Variants in KPNA6 observed in about 807,000 individuals in gnomAD.
KPNA6 encodes karyopherin subunit alpha 6, also known as importin subunit alpha-7.
Under a neutral mutation model 72.0 loss-of-function variants are expected in KPNA6, and 9 were observed. That is an observed-to-expected ratio of 0.13 (90% CI 0.08 to 0.22). The LOEUF (loss-of-function observed/expected upper bound fraction) is 0.22, where lower values mean the gene tolerates loss of function less well. Among genes scored for constraint, KPNA6 ranks in the 10% least tolerant of loss-of-function variants. The pLI is 1.00. For synonymous variants in KPNA6, 219 were observed against 242.1 expected (o/e 0.90, Z 0.89); for missense variants, 374 against 655.7 (o/e 0.57, Z 4.69).
At chr1:32,152,181 G>C (rs1481937962) in intron 1 of KPNA6, among the ~76,000 whole-genome samples, 1 of 151,994 alleles carries the variant, frequency 6.6e-6, no homozygotes, top group African/African-American at 2.4e-5. Flanking sequence ...AAAACGTAAA[G>C]ATTAGCCACT....
chr1:32,166,007 A>C lies in KPNA6; in HGVS notation c.991-98A>C. 5 of 1,279,490 alleles carry C rather than the reference A, an allele frequency of 3.9e-6. No individual in the cohort carries two copies. The African/African-American group carries it at 6.1e-5, about 16-fold the overall frequency. The allele number at this position is 1,279,490 out of a possible 1,614,324, so 79.3% of individuals were successfully genotyped here. A position where few individuals can be genotyped will look rare whatever the true frequency, so the allele number is the denominator to read the frequency against. On this transcript the variant is annotated intron_variant, in intron 10 of 13. Transcript: ENST00000373625. ...AGCGAGACTCTGTCTCAAAAAAAAA[A>C]ACAAAAACAACAACAACAACAACAA...
At chr1:32,160,342 T>C (rs1403933375) in intron 6 of KPNA6, among the ~76,000 whole-genome samples, 1 of 151,636 alleles carries the variant, frequency 6.6e-6, no homozygotes, top group Non-Finnish European at 1.5e-5. Flanking sequence ...GATTACTTTC[T>C]CCTTTTCTGG....
chr1:32,169,535 C>T (rs1359132440), intron 12 of KPNA6, among the ~76,000 whole-genome samples: 1 of 151,286 alleles, frequency 6.6e-6, no homozygotes, highest in African/African-American at 2.4e-5. Context: ...CAAGCTCTGC[C>T]TCCTAGGTTC....
chr1:32,147,931 G>A (rs1641959691), intron 1 of KPNA6, among the ~76,000 whole-genome samples: 2 of 152,038 alleles, frequency 1.3e-5, no homozygotes, highest in South Asian at 4.1e-4. Flanking sequence ...CTCCCAGAGT[G>A]CTAGGATTAC....
chr1:32,125,588 A>G (rs1404254806), intron 1 of KPNA6, among the ~76,000 whole-genome samples: 11 of 152,172 alleles, frequency 7.2e-5, no homozygotes, highest in Admixed American at 6.6e-4. Flanking sequence ...TGCTCATGTA[A>G]TAGTAAGATT....
rs1642244888 is a variant in KPNA6, at chr1:32,161,935, T to C, written c.648-12T>C. On this transcript the variant is annotated splice_polypyrimidine_tract_variant and intron_variant, in intron 7 of 13. Transcript: ENST00000373625. Reference sequence around the variant, plus strand: ...CTCAGTGCTCAGGATCTGGCTTTGCTGTTTCCTTCAGACTCCTTACCAAGT... The same window carrying C: ...CTCAGTGCTCAGGATCTGGCTTTGCCGTTTCCTTCAGACTCCTTACCAAGT... 1 of 1,609,664 alleles carries C rather than the reference T, an allele frequency of 6.2e-7. No individual in the cohort carries two copies.
chr1:32,127,027 A>G (rs1468563255), intron 1 of KPNA6, among the ~76,000 whole-genome samples: 1 of 152,212 alleles, frequency 6.6e-6, no homozygotes, highest in Non-Finnish European at 1.5e-5. Context: ...CCATTGATTC[A>G]GCATTTAGGC....
intron 1 of KPNA6, among the ~76,000 whole-genome samples, chr1:32,147,604 C>T (rs1424912703): frequency 2.0e-5 from 3 of 147,572 alleles, no homozygotes; most frequent in Admixed American, 1.4e-4. Context: ...AGCCTCTTTT[C>T]GGCACTTTCT....
At position 32,121,436 on chromosome 1, in the gene KPNA6, A is replaced by G. The variant is rs79821203; in HGVS notation, c.4+13302A>G. 3.7e-3 allele frequency among the ~76,000 whole-genome samples: 560 copies of G among 152,332 alleles called. 3 individuals carry two copies. Among genetic ancestry groups the G allele is most frequent in the Non-Finnish European group, 6.0e-3 (411 of 68,028 alleles). On this transcript the variant is annotated intron_variant, in intron 1 of 13. Coordinates refer to ENST00000373625, the MANE Select transcript of KPNA6 (RefSeq NM_012316.5). The stretch of plus-strand genomic sequence containing the variant: ...TGACCTCCAGGGAAGTTGTTCAAAA[A>G]TCAGTTGAATGTAGAAGTCTGGAGC...
At chr1:32,112,508 T>G (rs975143335) in intron 1 of KPNA6, among the ~76,000 whole-genome samples, 3 of 152,178 alleles carry the variant, frequency 2.0e-5, no homozygotes, top group African/African-American at 7.2e-5. Flanking sequence ...TTTATTTATT[T>G]GAGACAGGCT....
chr1:32,169,094 C>T (rs774792577), intron 12 of KPNA6, among the ~76,000 whole-genome samples: 114 of 151,586 alleles, frequency 7.5e-4, no homozygotes, highest in Admixed American at 2.8e-3. Context: ...TCAGTAAGAG[C>T]AGTGGCTCAC....
chr1:32,165,887 TCTTGGGAGGCTGAGGCTGGAGAATCA>T (rs1642325308), intron 10 of KPNA6, among the ~76,000 whole-genome samples, 192 bp from the exon 11 acceptor site: 3 of 150,220 alleles, frequency 2.0e-5, no homozygotes, highest in South Asian at 2.1e-4. Flanking sequence ...AATCCAAGCG[TCTTGGGAGGCTGAGGCTGGAGAATCA>T]CTTGAACCTG....
At chr1:32,147,975 T>C (rs565871493) in intron 1 of KPNA6, among the ~76,000 whole-genome samples, 10 of 152,306 alleles carry the variant, frequency 6.6e-5, no homozygotes, top group African/African-American at 2.4e-4. Context: ...CTGACTTTCA[T>C]AATTTCGAAT....
At chr1:32,133,516 C>CAAAAA (rs56850687) in intron 1 of KPNA6, among the ~76,000 whole-genome samples, 6 of 43,830 alleles carry the variant, frequency 1.4e-4, no homozygotes, top group Admixed American at 2.2e-4. Context: ...CTAGTCTCTA[C>CAAAAA]AAAAAAAAAA....
At chr1:32,129,063 T>C (rs1641590088) in intron 1 of KPNA6, among the ~76,000 whole-genome samples, 1 of 152,134 alleles carries the variant, frequency 6.6e-6, no homozygotes, top group South Asian at 2.1e-4. Context: ...AATGTGCCTG[T>C]TGGTGGTCCA....
Position 32,170,984 on chromosome 1 carries a change from C to A in KPNA6, c.*90C>A. On this transcript the variant is annotated 3_prime_UTR_variant, in exon 14 of 14. Transcript: ENST00000373625. ...GTGGGCGGGAAACCAGTGTCCCCACCATCAGCCACCACACACCTCTGCTGC... is the reference window on the plus strand; with the variant it reads ...GTGGGCGGGAAACCAGTGTCCCCACAATCAGCCACCACACACCTCTGCTGC... The A allele has an allele frequency of 8.9e-7, 1 of 1,127,854 alleles. No individual in the cohort carries two copies. Among genetic ancestry groups the A allele is most frequent in the Non-Finnish European group, 1.3e-6 (1 of 764,732 alleles). 69.9% of individuals were successfully genotyped at this position (1,127,854 alleles called of 1,614,324 possible).
intron 1 of KPNA6, among the ~76,000 whole-genome samples, chr1:32,109,498 A>T (rs1476922721): frequency 5.3e-5 from 8 of 150,012 alleles, no homozygotes; most frequent in Admixed American, 6.6e-5. Context: ...TTTTTTTTTT[A>T]AATGACCTGG....
chr1:32,109,764 C>T (rs771328790), intron 1 of KPNA6, among the ~76,000 whole-genome samples: 42 of 151,726 alleles, frequency 2.8e-4, no homozygotes, highest in Non-Finnish European at 4.6e-4. Context: ...CCTGCCTCAG[C>T]CTCCCGAGTA....
intron 1 of KPNA6, among the ~76,000 whole-genome samples, chr1:32,143,720 C>A (rs1641882922): frequency 2.0e-5 from 3 of 151,978 alleles, no homozygotes; most frequent in Non-Finnish European, 4.4e-5. Flanking sequence ...TATTTTACTA[C>A]CCCTAACAGA....
Sources: gnomAD v4.1 joint callset for allele counts (sites outside exome capture counted in the v4.1 genomes callset) on GRCh38, gnomAD v4.1.1 for gene constraint, MANE v1.5 for transcripts, NCBI Gene and HGNC (gene_info 2026-07-23, HGNC 2026-07-21) for gene names.